The following GABBR1 variants were observed in gnomAD, a reference collection of about 807,000 sequenced individuals.
GABBR1 encodes the protein gamma-aminobutyric acid type B receptor subunit 1.
In GABBR1, 35 loss-of-function variants were observed where a neutral mutation model predicts 117.7. That is an observed-to-expected ratio of 0.30 (90% CI 0.23 to 0.39). The LOEUF is 0.39. Ranked by LOEUF, GABBR1 falls within the 10% of genes least tolerant of loss-of-function variation. GABBR1 has a pLI of 1.00. For missense variants in GABBR1, 709 were observed against 1,241.8 expected (o/e 0.57, Z 6.45); for synonymous variants, 442 against 486.6 (o/e 0.91, Z 1.21).
Position 29,605,030 on chromosome 6 carries a change from C to T in GABBR1, c.2440-42G>A. The T allele has an allele frequency of 6.4e-7, 1 of 1,567,166 alleles. No individual in the cohort carries two copies. Among genetic ancestry groups the T allele is most frequent in the African/African-American group, 1.4e-5 (1 of 73,524 alleles). ...ATTGAGGGAGTCTCAGGTCTGCAGG[C>T]TCAGACAAGATCCAGAGTTTACTTC... On this transcript the variant is annotated intron_variant, in intron 20 of 22. Transcript: ENST00000377034. This position sits in a 1 kb window ranked among gnomAD's most constrained non-coding sequence, Gnocchi z 4.2.
intron 16 of GABBR1, 165 bp downstream of exon 16, chr6:29,608,436 A>G: frequency 1.5e-6 from 1 of 684,728 alleles, no homozygotes; most frequent in Non-Finnish European, 2.4e-6. Flanking sequence ...GAAAGAAGGG[A>G]CAGAGCCAAA....
Position 29,630,663 on chromosome 6 carries a change from TAAG to T in GABBR1, c.290-23_290-21del. 5 of 1,592,632 alleles carry T rather than the reference TAAG, an allele frequency of 3.1e-6. No individual in the cohort carries two copies. Among genetic ancestry groups the T allele is most frequent in the East Asian group, 2.3e-5 (1 of 44,326 alleles). ...TTCGGACTGTGGAGAGATAGGAAAA[TAAG>T]AAGAGAGGCGAGTTGAAGAAGGCTC... On this transcript the variant is annotated intron_variant, in intron 3 of 22. Transcript: ENST00000377034. This position sits in a 1 kb window ranked among gnomAD's most constrained non-coding sequence, Gnocchi z 4.9.
chr6:29,627,461 C>CA lies in GABBR1; in HGVS notation c.657+24dup. On this transcript the variant is annotated intron_variant, in intron 6 of 22. Coordinates refer to ENST00000377034, the MANE Select transcript of GABBR1 (RefSeq NM_001470.4). The surrounding 1 kb of genome is among the most constrained non-coding windows in gnomAD (Gnocchi z 4.4). ...CCCTGCCCCGCAAGCCCCCACCTCCCACCCACCCCCATGTCCAGGGCTACC... is the reference window on the plus strand; with the variant it reads ...CCCTGCCCCGCAAGCCCCCACCTCCCAACCCACCCCCATGTCCAGGGCTACC... 1 of 1,498,208 alleles carries CA rather than the reference C, an allele frequency of 6.7e-7. No homozygotes were observed. The allele number at this position is 1,498,208 out of a possible 1,614,324, so 92.8% of individuals were successfully genotyped here. A position where few individuals can be genotyped will look rare whatever the true frequency, so the allele number is the denominator to read the frequency against.
Position 29,632,704 on chromosome 6 carries a change from C to T in GABBR1, c.-1+146G>A, listed in dbSNP as rs1457632219. On this transcript the variant is annotated intron_variant, in intron 1 of 22. Coordinates refer to ENST00000377034, the MANE Select transcript of GABBR1 (RefSeq NM_001470.4). The surrounding 1 kb of genome is among the most constrained non-coding windows in gnomAD (Gnocchi z 5.8). The stretch of plus-strand genomic sequence containing the variant: ...TACCCACGCTCCCGGCATCGGCCGC[C>T]TCAGCGCTCCCCGATTCCATCCCCG... 1.4e-6 allele frequency: 2 copies of T among 1,398,940 alleles called. No individual in the cohort carries two copies. The highest frequency in any genetic ancestry group is 4.6e-5 in the Admixed American group (2 of 43,232). The allele number at this position is 1,398,940 out of a possible 1,614,324, so 86.7% of individuals were successfully genotyped here. A position where few individuals can be genotyped will look rare whatever the true frequency, so the allele number is the denominator to read the frequency against.
At position 29,604,748 on chromosome 6, in the gene GABBR1, G is replaced by A. The variant is rs377713883; in HGVS notation, c.2569-111C>T. On this transcript the variant is annotated intron_variant, in intron 21 of 22. Coordinates refer to ENST00000377034, the MANE Select transcript of GABBR1 (RefSeq NM_001470.4). This position sits in a 1 kb window ranked among gnomAD's most constrained non-coding sequence, Gnocchi z 5.3. ...CTGATAAGAGTTGGGCCCAAAACAA[G>A]GGGAGGAGTGAGAGGAGGGTGAACG... The A allele has an allele frequency of 2.1e-5, 34 of 1,589,142 alleles. No individual in the cohort carries two copies. Among genetic ancestry groups the A allele is most frequent in the East Asian group, 1.6e-4 (7 of 44,622 alleles).
rs749247505 is a variant in GABBR1 at position 29,622,063 on chromosome 6, G to A, written c.1065+41C>T. On this transcript the variant is annotated intron_variant, in intron 9 of 22. Coordinates refer to ENST00000377034, the MANE Select transcript of GABBR1 (RefSeq NM_001470.4). This position sits in a 1 kb window ranked among gnomAD's most constrained non-coding sequence, Gnocchi z 4.6. ...CAACCAGTCACTGTCCCCCAGCTTGGTCCCTCCGTAAACAGAGCCCACCAC... is the reference window on the plus strand; with the variant it reads ...CAACCAGTCACTGTCCCCCAGCTTGATCCCTCCGTAAACAGAGCCCACCAC... 5.8e-6 allele frequency: 9 copies of A among 1,544,752 alleles called. No homozygotes were observed. The African/African-American group carries it at 1.2e-4, about 21-fold the overall frequency.
At position 29,609,366 on chromosome 6, in the gene GABBR1, TG is replaced by T. The variant is rs777471402; in HGVS notation, c.1721del (p.Pro574GlnfsTer32). ...KTDKWIGGSP[P>X]ADQTLVIKTF... is the part of the protein sequence containing the mutation. ...TCTTGATGACCAGGGTCTGGTCAGC[TG>T]GGGGGGACCCTCCTGCATGGCACAG... On this transcript the variant is annotated frameshift_variant, in exon 15 of 23. Coordinates refer to ENST00000377034, the MANE Select transcript of GABBR1 (RefSeq NM_001470.4). LOFTEE classifies it high-confidence loss of function. This position sits in a 1 kb window ranked among gnomAD's most constrained non-coding sequence, Gnocchi z 4.3. The T allele has an allele frequency of 6.2e-7, 1 of 1,612,364 alleles. No homozygotes were observed.
Position 29,623,549 on chromosome 6 carries a change from A to C in GABBR1, c.793-74T>G. On this transcript the variant is annotated intron_variant, in intron 7 of 22. Transcript: ENST00000377034. The surrounding 1 kb of genome is among the most constrained non-coding windows in gnomAD (Gnocchi z 6.2). ...CCAAGAGTGGCCAAGAGTTCCTTTA[A>C]CCCTCTTCCTGCCTTTGGGTTTCTC... 1 of 1,439,872 alleles carries C rather than the reference A, an allele frequency of 6.9e-7. No individual in the cohort carries two copies. The highest frequency in any genetic ancestry group is 9.6e-7 in the Non-Finnish European group (1 of 1,045,080). The allele number at this position is 1,439,872 out of a possible 1,614,324, so 89.2% of individuals were successfully genotyped here.
rs575278330 is a variant in GABBR1 at position 29,617,672 on chromosome 6, A to C, written c.1323+3429T>G. Among the ~76,000 whole-genome samples the C allele has an allele frequency of 1.7e-3, 266 of 152,176 alleles. 2 individuals carry two copies. The highest frequency in any genetic ancestry group is 2.2e-3 in the Non-Finnish European group (149 of 68,000). ...GAATAATCTCAAAATCAAAATATCCAAGATGAAGCTCAATTTTTTCTTACT... is the reference window on the plus strand; with the variant it reads ...GAATAATCTCAAAATCAAAATATCCCAGATGAAGCTCAATTTTTTCTTACT... On this transcript the variant is annotated intron_variant, in intron 11 of 22. Coordinates refer to ENST00000377034, the MANE Select transcript of GABBR1 (RefSeq NM_001470.4).
chr6:29,630,669 G>A lies in GABBR1; in HGVS notation c.290-26C>T, dbSNP rs2127452364. On this transcript the variant is annotated intron_variant, in intron 3 of 22. Coordinates refer to ENST00000377034, the MANE Select transcript of GABBR1 (RefSeq NM_001470.4). This position sits in a 1 kb window ranked among gnomAD's most constrained non-coding sequence, Gnocchi z 4.9. ...CTGTGGAGAGATAGGAAAATAAGAA[G>A]AGAGGCGAGTTGAAGAAGGCTCTTT... 1 of 1,588,510 alleles carries A rather than the reference G, an allele frequency of 6.3e-7. No homozygotes were observed. Among genetic ancestry groups the A allele is most frequent in the East Asian group, 2.3e-5 (1 of 44,302 alleles).
In GABBR1 at chr6:29,627,956, G is replaced by T. The variant is rs1367705565; in HGVS notation, c.497-310C>A. ...GAAGCAGGGAAGGTTGGCTTCCTAC[G>T]GCCCCCGCGGCTCTCGCCACCGTCG... On this transcript the variant is annotated intron_variant, in intron 5 of 22. Transcript: ENST00000377034. The surrounding 1 kb of genome is among the most constrained non-coding windows in gnomAD (Gnocchi z 4.4). The T allele has an allele frequency of 1.9e-5, 26 of 1,349,260 alleles. No individual in the cohort carries two copies. The highest frequency in any genetic ancestry group is 2.0e-5 in the Non-Finnish European group (21 of 1,059,900). 83.6% of individuals were successfully genotyped at this position (1,349,260 alleles called of 1,614,324 possible).
rs1401978577 is a variant in GABBR1, at chr6:29,622,177, T to C, written c.992A>G (p.Lys331Arg). 6.2e-7 allele frequency: 1 copy of C among 1,614,070 alleles called. No homozygotes were observed. The highest frequency in any genetic ancestry group is 1.1e-5 in the South Asian group (1 of 91,080). ...GAAAGTAATCTCAATTCCAGCCTCC[T>C]TCACTCGTTCCTCCAGGTCGTCCAG... ...STLDDLEERVKEAGIEITFRQ... is the reference protein window; with the variant it reads ...STLDDLEERVREAGIEITFRQ... The change falls in exon 9 of 23, where the codon AAG (lysine) becomes AGG (arginine). Residue 331 changes from lysine to arginine, a missense_variant. This residue lies in a region of GABBR1 where 192 missense variants were observed against 418.4 expected (regional missense o/e 0.46). Transcript: ENST00000377034. The surrounding 1 kb of genome is among the most constrained non-coding windows in gnomAD (Gnocchi z 4.6).
At chr6:29,629,394 CA>C in intron 4 of GABBR1, 2 of 597,572 alleles carry the variant, frequency 3.3e-6, no homozygotes, top group Non-Finnish European at 3.0e-6. Flanking sequence ...CTGAATATTA[CA>C]AAATTGGGAG....
In GABBR1 at chr6:29,603,533, C is replaced by T. The variant is rs1447985472; in HGVS notation, c.*10G>A. On this transcript the variant is annotated 3_prime_UTR_variant, in exon 23 of 23. Coordinates refer to ENST00000377034, the MANE Select transcript of GABBR1 (RefSeq NM_001470.4). ...CTCCCCCTACTGGCCTGTCCTCCCT[C>T]ACCCTACCCTCACTTATAAAGCAAA... 2 of 1,553,608 alleles carry T rather than the reference C, an allele frequency of 1.3e-6. No individual in the cohort carries two copies. The highest frequency in any genetic ancestry group is 1.7e-6 in the Non-Finnish European group (2 of 1,149,568).
chr6:29,608,363 G>T, intron 16 of GABBR1: 1 of 461,604 alleles, frequency 2.2e-6, no homozygotes, highest in East Asian at 3.7e-5. Context: ...TCTCTGCAAG[G>T]CCTGCCATGG....
At chr6:29,614,416 G>A (rs760035967) in intron 11 of GABBR1, among the ~76,000 whole-genome samples, 14 of 152,176 alleles carry the variant, frequency 9.2e-5, no homozygotes, top group African/African-American at 1.4e-4. Context: ...TAACACAAAC[G>A]GTAATGAAAG....
Position 29,621,015 on chromosome 6 carries a change from C to A in GABBR1, c.1323+86G>T. ...CTCCTTTATATCCAAATTCCGCACC[C>A]TCTCCCTGCCACCCTTTCCCCTGCA... On this transcript the variant is annotated intron_variant, in intron 11 of 22. Coordinates refer to ENST00000377034, the MANE Select transcript of GABBR1 (RefSeq NM_001470.4). The surrounding 1 kb of genome is among the most constrained non-coding windows in gnomAD (Gnocchi z 5.0). The A allele has an allele frequency of 1.6e-6, 2 of 1,213,614 alleles. No individual in the cohort carries two copies. Among genetic ancestry groups the A allele is most frequent in the East Asian group, 2.4e-5 (1 of 42,136 alleles). 75.2% of individuals were successfully genotyped at this position (1,213,614 alleles called of 1,614,324 possible). A position where few individuals can be genotyped will look rare whatever the true frequency, so the allele number is the denominator to read the frequency against.
At position 29,606,856 on chromosome 6, in the gene GABBR1, T is replaced by C. The variant is rs754921467; in HGVS notation, c.2217+41A>G. 2.6e-6 allele frequency: 4 copies of C among 1,555,954 alleles called. No individual in the cohort carries two copies. Among genetic ancestry groups the C allele is most frequent in the Admixed American group, 1.7e-5 (1 of 59,782 alleles). On this transcript the variant is annotated intron_variant, in intron 18 of 22. Transcript: ENST00000377034. The surrounding 1 kb of genome is among the most constrained non-coding windows in gnomAD (Gnocchi z 4.5). Reference sequence around the variant, plus strand: ...CAGGGCCCTGATGGCCACTGAGCCCTGCTCATTCTCCTGACCATAGCACCT... The same window carrying C: ...CAGGGCCCTGATGGCCACTGAGCCCCGCTCATTCTCCTGACCATAGCACCT...
Position 29,633,037 on chromosome 6 carries a change from C to T in GABBR1, c.-188G>A, listed in dbSNP as rs1765176870. ...CTCTCGCTTCCCCCAAACCCCACCC[C>T]TGTCTCTTCTTCCCCGGGGCGGCGG... On this transcript the variant is annotated 5_prime_UTR_variant, in exon 1 of 23. Coordinates refer to ENST00000377034, the MANE Select transcript of GABBR1 (RefSeq NM_001470.4). The surrounding 1 kb of genome is among the most constrained non-coding windows in gnomAD (Gnocchi z 4.4). 1 of 154,056 alleles carries T rather than the reference C, an allele frequency of 6.5e-6. No individual in the cohort carries two copies. The highest frequency in any genetic ancestry group is 1.9e-4 in the East Asian group (1 of 5,182). 9.5% of individuals were successfully genotyped at this position (154,056 alleles called of 1,614,324 possible).
Sources: gnomAD v4.1 joint callset for allele counts (sites outside exome capture counted in the v4.1 genomes callset) on GRCh38, gnomAD v4.1.1 for gene constraint, gnomAD v4.1.1 regional missense constraint, Gnocchi (gnomAD v3.1) non-coding constraint, MANE v1.5 for transcripts, NCBI Gene and HGNC (gene_info 2026-07-23, HGNC 2026-07-21) for gene names.